AGBL1: variants seen among roughly 807,000 people sequenced by gnomAD.
AGBL1 encodes AGBL carboxypeptidase 1, also known as cytosolic carboxypeptidase 4.
A neutral mutation model predicts 118.9 loss-of-function variants in AGBL1; 130 were observed. That is an observed-to-expected ratio of 1.09 (90% CI 0.95 to 1.26). The LOEUF (loss-of-function observed/expected upper bound fraction) is 1.26, where lower values mean the gene tolerates loss of function less well. Ranked by LOEUF, AGBL1 falls within the 50% of genes most tolerant of loss-of-function variation. The probability of loss-of-function intolerance (pLI) is 0.00; values close to 1 mark genes in which losing one functional copy is unlikely to be tolerated. For missense variants in AGBL1, 1,584 were observed against 1,298.1 expected (o/e 1.22, Z -3.38); for synonymous variants, 555 against 478.9 (o/e 1.16, Z -2.08).
intron 24 of AGBL1, among the ~76,000 whole-genome samples, chr15:87,008,067 G>A (rs758473598): frequency 3.3e-5 from 5 of 152,168 alleles, no homozygotes; most frequent in Non-Finnish European, 1.5e-5. Context: ...CAACTTGACT[G>A]GATTAAGAAA....
intron 18 of AGBL1, among the ~76,000 whole-genome samples, chr15:86,470,470 A>G (rs1291807749): frequency 1.3e-5 from 2 of 151,910 alleles, no homozygotes; most frequent in Non-Finnish European, 2.9e-5. Context: ...AATTTCTACA[A>G]GTTCGTGGTA....
Position 86,174,676 on chromosome 15 carries a change from C to T in AGBL1, c.488+15650C>T, listed in dbSNP as rs144297653. ...TATGTTTTATTATGTTTCTACTATGCCTAATTTGTTAAGAGTTTTTTATCA... is the reference window on the plus strand; with the variant it reads ...TATGTTTTATTATGTTTCTACTATGTCTAATTTGTTAAGAGTTTTTTATCA... On this transcript the variant is annotated intron_variant, in intron 5 of 22. Transcript: ENST00000614907. Among the ~76,000 whole-genome samples, 570 of 151,436 alleles carry T rather than the reference C, an allele frequency of 3.8e-3. 6 individuals carry two copies. The highest frequency in any genetic ancestry group is 0.013 in the African/African-American group (535 of 41,366).
intron 1 of AGBL1, among the ~76,000 whole-genome samples, chr15:86,085,746 G>A (rs770773637): frequency 2.6e-5 from 4 of 152,156 alleles, no homozygotes; most frequent in Non-Finnish European, 4.4e-5. Flanking sequence ...AGGGATTGGG[G>A]CAGGAGAACT....
At chr15:86,530,300 G>T (rs2083331768) in intron 19 of AGBL1, among the ~76,000 whole-genome samples, 1 of 117,616 alleles carries the variant, frequency 8.5e-6, no homozygotes, top group African/African-American at 4.8e-5. Flanking sequence ...AAAGGCAGGG[G>T]TTGCAATCCT....
At chr15:86,980,727 A>G (rs1394937007) in intron 23 of AGBL1, among the ~76,000 whole-genome samples, 2 of 152,150 alleles carry the variant, frequency 1.3e-5, no homozygotes, top group Non-Finnish European at 2.9e-5. Flanking sequence ...TTTTTTCATT[A>G]AATATTGAGT....
In AGBL1 at chr15:86,800,425, A is replaced by G. The variant is rs74025500; in HGVS notation, c.3159-106662A>G. 4.8e-3 allele frequency among the ~76,000 whole-genome samples: 738 copies of G among 152,214 alleles called. 8 individuals are homozygous for G. Among genetic ancestry groups the G allele is most frequent in the African/African-American group, 0.017 (698 of 41,548 alleles). On this transcript the variant is annotated intron_variant, in intron 22 of 22. Transcript: ENST00000614907. ...CATCTTAGAAGACAAGTGAGAAAAA[A>G]GGCCCAGAATTTCCTTTAAAGAGAT...
rs1476582184 is a variant in AGBL1 at position 86,269,999 on chromosome 15, T to C, written c.1919T>C (p.Met640Thr). 1.2e-6 allele frequency: 2 copies of C among 1,613,650 alleles called. No individual in the cohort carries two copies. Among genetic ancestry groups the C allele is most frequent in the Non-Finnish European group, 1.7e-6 (2 of 1,179,820 alleles). Residue 640 changes from methionine to threonine, a missense_variant, in exon 14 of 23, where the codon ATG (methionine) becomes ACG (threonine). Physicochemically the swap from Met to Thr is moderately conservative, Grantham distance 81 (BLOSUM62 -1). Transcript: ENST00000614907. Reference protein sequence around the residue: ...QQWFYFKVSGMQAAIPYHFNI... With the variant: ...QQWFYFKVSGTQAAIPYHFNI... Reference sequence around the variant, plus strand: ...TGGTTCTATTTCAAAGTGAGCGGTATGCAGGCGGCCATCCCTTACCACTTC... The same window carrying C: ...TGGTTCTATTTCAAAGTGAGCGGTACGCAGGCGGCCATCCCTTACCACTTC...
intron 22 of AGBL1, among the ~76,000 whole-genome samples, chr15:86,865,803 T>C (rs2079619902): frequency 6.6e-6 from 1 of 152,182 alleles, no homozygotes; most frequent in South Asian, 2.1e-4. Context: ...CTATCTGTGT[T>C]CAGATCCTAG....
intron 17 of AGBL1, among the ~76,000 whole-genome samples, chr15:86,381,639 C>T (rs1596041603): frequency 6.6e-6 from 1 of 152,094 alleles, no homozygotes; most frequent in East Asian, 1.9e-4. Flanking sequence ...CACAGGAGAA[C>T]TTAATTCAGT....
chr15:86,678,302 T>G (rs1168469024), intron 22 of AGBL1, among the ~76,000 whole-genome samples: 1 of 152,166 alleles, frequency 6.6e-6, no homozygotes, highest in Non-Finnish European at 1.5e-5. Flanking sequence ...AAGTTCTCCT[T>G]TTTTGCAGCT....
chr15:86,526,095 A>T (rs756862312), intron 19 of AGBL1, among the ~76,000 whole-genome samples: 19 of 152,270 alleles, frequency 1.2e-4, no homozygotes, highest in Non-Finnish European at 1.9e-4. Flanking sequence ...TATATGAGTG[A>T]CCAAGAAACA....
At chr15:86,333,515 A>C (rs1213243975) in intron 17 of AGBL1, among the ~76,000 whole-genome samples, 1 of 152,154 alleles carries the variant, frequency 6.6e-6, no homozygotes, top group Non-Finnish European at 1.5e-5. Flanking sequence ...GACTAATAAC[A>C]AGTTCCAAAA....
chr15:86,373,036 C>T (rs2080991972), intron 17 of AGBL1, among the ~76,000 whole-genome samples: 1 of 152,110 alleles, frequency 6.6e-6, no homozygotes. Flanking sequence ...TAGTTTCTGG[C>T]ACGTAATGAA....
intron 5 of AGBL1, among the ~76,000 whole-genome samples, chr15:86,203,942 C>G (rs1365322572): frequency 1.3e-5 from 2 of 152,022 alleles, no homozygotes; most frequent in Non-Finnish European, 2.9e-5. Context: ...AAGGAAAAAG[C>G]AACAAAACTG....
intron 17 of AGBL1, among the ~76,000 whole-genome samples, chr15:86,344,895 G>A (rs966111746): frequency 3.9e-5 from 6 of 152,140 alleles, no homozygotes; most frequent in South Asian, 2.1e-4. Flanking sequence ...GCCATGCCCT[G>A]TTCAGAGCCC....
intron 17 of AGBL1, among the ~76,000 whole-genome samples, chr15:86,371,159 A>G (rs1313442055): frequency 6.6e-6 from 1 of 152,234 alleles, no homozygotes; most frequent in Non-Finnish European, 1.5e-5. Context: ...AGGTAAGAGG[A>G]AAATGAGGTG....
intron 23 of AGBL1, among the ~76,000 whole-genome samples, chr15:86,964,031 C>CTCTCTG (rs1183866210): frequency 0.051 from 7,442 of 146,030 alleles, 240 homozygotes; most frequent in Admixed American, 0.072. Flanking sequence ...CTCTCTCTCT[C>CTCTCTG]TGTGTGTGTG....
intron 18 of AGBL1, among the ~76,000 whole-genome samples, chr15:86,513,418 T>C (rs1039511778): frequency 3.3e-5 from 5 of 152,048 alleles, no homozygotes; most frequent in Non-Finnish European, 7.4e-5. Context: ...ATCAGGGGCA[T>C]GTGATGTTGA....
chr15:86,728,653 A>G (rs909618154), intron 22 of AGBL1, among the ~76,000 whole-genome samples: 1 of 152,172 alleles, frequency 6.6e-6, no homozygotes, highest in African/African-American at 2.4e-5. Context: ...TTGTTTTTTA[A>G]AATACTACAT....
Sources: allele counts gnomAD v4.1 joint callset (sites outside exome capture counted in the v4.1 genomes callset), GRCh38; gene constraint gnomAD v4.1.1; transcripts MANE v1.5; gene names NCBI Gene and HGNC (gene_info 2026-07-23, HGNC 2026-07-21).